MBOAT2: variants seen among roughly 807,000 people sequenced by gnomAD.
MBOAT2 encodes membrane-bound glycerophospholipid O-acyltransferase 2.
Under a neutral mutation model 63.4 loss-of-function variants are expected in MBOAT2, and 28 were observed. The observed-to-expected ratio is 0.44, with a 90% CI of 0.33 to 0.61. MBOAT2 has a LOEUF of 0.61. Ranked by LOEUF, MBOAT2 falls within the 20% of genes least tolerant of loss-of-function variation. The pLI, the probability that MBOAT2 is intolerant of heterozygous loss-of-function variation, is 0.03. For synonymous variants in MBOAT2, 211 were observed against 215.6 expected (o/e 0.98, Z 0.19); for missense variants, 470 against 605.8 (o/e 0.78, Z 2.35).
intron 1 of MBOAT2, among the ~76,000 whole-genome samples, chr2:8,992,350 T>C (rs1019721930): frequency 6.6e-6 from 1 of 152,232 alleles, no homozygotes; most frequent in African/African-American, 2.4e-5. Flanking sequence ...TTGCCTGGGC[T>C]GATCTCAAAC....
intron 9 of MBOAT2, among the ~76,000 whole-genome samples, chr2:8,867,124 G>A (rs867085515): frequency 1.3e-5 from 2 of 151,970 alleles, no homozygotes; most frequent in Non-Finnish European, 2.9e-5. Flanking sequence ...GCACGATCAC[G>A]GCTCACTGCA....
intron 4 of MBOAT2, among the ~76,000 whole-genome samples, chr2:8,904,449 C>T (rs1665188249): frequency 6.6e-6 from 1 of 151,808 alleles, no homozygotes; most frequent in Non-Finnish European, 1.5e-5. Flanking sequence ...GTAGCTGGGA[C>T]TACAGGCACA....
chr2:8,933,930 T>C (rs1266255271), intron 3 of MBOAT2, among the ~76,000 whole-genome samples: 2 of 152,172 alleles, frequency 1.3e-5, no homozygotes, highest in African/African-American at 4.8e-5. Flanking sequence ...CAACAGGGAT[T>C]CAGTTTACAA....
chr2:8,911,450 C>T (rs937925337), intron 3 of MBOAT2, among the ~76,000 whole-genome samples: 4 of 152,166 alleles, frequency 2.6e-5, no homozygotes, highest in African/African-American at 9.7e-5. Flanking sequence ...CTCTTTACAT[C>T]AAGAGCTGAA....
At chr2:8,894,596 C>T (rs776035705) in intron 4 of MBOAT2, among the ~76,000 whole-genome samples, 7 of 152,228 alleles carry the variant, frequency 4.6e-5, no homozygotes, top group Non-Finnish European at 7.3e-5. Context: ...GTGAATAATA[C>T]TTTCTAAAAA....
rs181424284 is a variant in MBOAT2, at chr2:8,896,582, C to T, written c.396-8509G>A. Among the ~76,000 whole-genome samples the T allele has an allele frequency of 5.9e-5, 9 of 152,248 alleles. No individual in the cohort carries two copies. The East Asian group carries it at 1.7e-3, about 29-fold the overall frequency. On this transcript the variant is annotated intron_variant, in intron 4 of 12. Transcript: ENST00000305997. ...AGCAAAATTTACTTTAGTTGAAAAC[C>T]TTGTTAAGTTTGGGATTTTAATTTT...
At chr2:8,908,591 C>T in intron 4 of MBOAT2, 30 bp downstream of exon 4, 1 of 1,278,650 alleles carries the variant, frequency 7.8e-7, no homozygotes, top group Non-Finnish European at 1.1e-6. Context: ...ATGGATAAAA[C>T]AGGCTACTGA....
At chr2:8,916,819 A>G (rs762903270) in intron 3 of MBOAT2, among the ~76,000 whole-genome samples, 2 of 152,200 alleles carry the variant, frequency 1.3e-5, no homozygotes, top group Non-Finnish European at 2.9e-5. Context: ...ATATTTTCCA[A>G]GACTGTTTAC....
intron 8 of MBOAT2, among the ~76,000 whole-genome samples, chr2:8,872,473 G>T (rs1424483913): frequency 6.6e-6 from 1 of 151,946 alleles, no homozygotes; most frequent in Non-Finnish European, 1.5e-5. Flanking sequence ...TAGAGAGAGG[G>T]GTCTCACTAT....
At chr2:8,946,019 C>T (rs969299625) in intron 2 of MBOAT2, among the ~76,000 whole-genome samples, 1 of 152,174 alleles carries the variant, frequency 6.6e-6, no homozygotes, top group East Asian at 1.9e-4. Flanking sequence ...TACTTCAATA[C>T]TGTACGATAT....
chr2:8,879,646 C>T (rs1009588461), intron 6 of MBOAT2, among the ~76,000 whole-genome samples: 3 of 152,100 alleles, frequency 2.0e-5, no homozygotes, highest in Non-Finnish European at 4.4e-5. Flanking sequence ...TGTTTAGCAG[C>T]ACCCCTAGGC....
chr2:8,873,322 T>G, intron 7 of MBOAT2, 22 bp from the exon 8 acceptor site: 1 of 1,604,328 alleles, frequency 6.2e-7, no homozygotes, highest in South Asian at 1.1e-5. Context: ...AAGGCGAGAC[T>G]TCATCAACTT....
At chr2:8,946,695 G>C (rs572549727) in intron 2 of MBOAT2, among the ~76,000 whole-genome samples, 2 of 152,082 alleles carry the variant, frequency 1.3e-5, no homozygotes, top group African/African-American at 4.8e-5. Flanking sequence ...TGTGATCAGC[G>C]ATCTTTGATA....
intron 2 of MBOAT2, among the ~76,000 whole-genome samples, chr2:8,956,049 A>G (rs1315556940): frequency 1.3e-5 from 2 of 152,202 alleles, no homozygotes. Flanking sequence ...TAACTTTTAA[A>G]TGCACTGGGA....
intron 12 of MBOAT2, 112 bp from the exon 13 acceptor site, chr2:8,859,016 A>G: frequency 1.4e-6 from 1 of 739,168 alleles, no homozygotes; most frequent in Non-Finnish European, 2.2e-6. Context: ...TGTTTACTAC[A>G]TTACTACATT....
rs1285347560 is a variant in MBOAT2 at position 8,853,249 on chromosome 2, C to G, written c.*5430G>C. ...CAGAGGAGCAGTCACATAAAAGTGA[C>G]AAGATGGACAAGACTGGTTTGGAAC... On this transcript the variant is annotated 3_prime_UTR_variant, in exon 13 of 13. Transcript: ENST00000305997. 1 of 152,174 alleles carries G rather than the reference C, an allele frequency of 6.6e-6. No individual in the cohort carries two copies. The highest frequency in any genetic ancestry group is 1.9e-4 in the East Asian group (1 of 5,206). 9.4% of individuals were successfully genotyped at this position (152,174 alleles called of 1,614,324 possible). A position where few individuals can be genotyped will look rare whatever the true frequency, so the allele number is the denominator to read the frequency against.
intron 3 of MBOAT2, among the ~76,000 whole-genome samples, chr2:8,914,125 GCA>G (rs1002741052): frequency 7.9e-5 from 12 of 152,176 alleles, no homozygotes; most frequent in Non-Finnish European, 1.5e-5. Flanking sequence ...CTATGAGGAT[GCA>G]AAGGCATCAG....
intron 3 of MBOAT2, among the ~76,000 whole-genome samples, chr2:8,910,557 C>T (rs1665642972): frequency 6.6e-6 from 1 of 152,136 alleles, no homozygotes; most frequent in Non-Finnish European, 1.5e-5. Flanking sequence ...TAACCAAACA[C>T]CTTTATGGAA....
chr2:8,916,795 C>T (rs551920306), intron 3 of MBOAT2, among the ~76,000 whole-genome samples: 215 of 152,294 alleles, frequency 1.4e-3, no homozygotes, highest in Non-Finnish European at 2.2e-3. Context: ...TCTATTCTGC[C>T]TTCCCCTCTG....
Sources: gnomAD v4.1 joint callset for allele counts (sites outside exome capture counted in the v4.1 genomes callset) on GRCh38, gnomAD v4.1.1 for gene constraint, MANE v1.5 for transcripts, NCBI Gene and HGNC (gene_info 2026-07-23, HGNC 2026-07-21) for gene names.